The following LDLRAD4 variants were observed in gnomAD, a reference collection of about 807,000 sequenced individuals.
LDLRAD4 encodes the protein low-density lipoprotein receptor class A domain-containing protein 4.
LDLRAD4 carries 5 observed loss-of-function variants against 17.0 expected under a neutral mutation model. The observed-to-expected ratio is 0.29, with a 90% CI of 0.15 to 0.62. The LOEUF (loss-of-function observed/expected upper bound fraction) is 0.62, where lower values mean the gene tolerates loss of function less well. LDLRAD4 is among the 20% of genes least tolerant of loss of function. The pLI is 0.84. For missense variants in LDLRAD4, 340 were observed against 424.7 expected (o/e 0.80, Z 1.75); for synonymous variants, 168 against 171.8 (o/e 0.98, Z 0.17).
At chr18:13,497,281 A>G (rs1419312926) in intron 3 of LDLRAD4, among the ~76,000 whole-genome samples, 2 of 152,134 alleles carry the variant, frequency 1.3e-5, no homozygotes, top group African/African-American at 4.8e-5. Flanking sequence ...GGCTCAAGCA[A>G]TCCTCCTGCC....
At chr18:13,602,523 G>T (rs1252081244) in intron 3 of LDLRAD4, among the ~76,000 whole-genome samples, 2 of 138,302 alleles carry the variant, frequency 1.4e-5, no homozygotes, top group Non-Finnish European at 3.1e-5. Flanking sequence ...TTTTGAGATG[G>T]AGTCTCACTC....
intron 2 of LDLRAD4, chr18:13,427,521 C>G (rs137969018): frequency 9.2e-5 from 14 of 152,564 alleles, no homozygotes; most frequent in Non-Finnish European, 1.6e-4. Context: ...CTCAGGGTGC[C>G]GGAGGCTGGA....
At chr18:13,624,530 G>A (rs1469314517) in intron 4 of LDLRAD4, among the ~76,000 whole-genome samples, 1 of 152,238 alleles carries the variant, frequency 6.6e-6, no homozygotes, top group East Asian at 1.9e-4. Context: ...TCCTAGGGGA[G>A]GCTAGGGGTC....
At chr18:13,417,742 G>C (rs1334898718) in intron 2 of LDLRAD4, among the ~76,000 whole-genome samples, 3 of 152,256 alleles carry the variant, frequency 2.0e-5, no homozygotes, top group Admixed American at 1.3e-4. Context: ...CCAGTTTGCT[G>C]TTTTTCAAAC....
At chr18:13,587,238 C>G (rs1259257538) in intron 3 of LDLRAD4, among the ~76,000 whole-genome samples, 2 of 152,190 alleles carry the variant, frequency 1.3e-5, no homozygotes, top group Non-Finnish European at 2.9e-5. Context: ...CCAGGTGATG[C>G]TGATGCTGCT....
In LDLRAD4 at chr18:13,438,392, T is replaced by C; in HGVS notation, c.181+8T>C. 6.2e-7 allele frequency: 1 copy of C among 1,613,104 alleles called. No individual in the cohort carries two copies. On this transcript the variant is annotated splice_region_variant and intron_variant, in intron 3 of 5. Coordinates refer to ENST00000359446, the Ensembl canonical transcript of LDLRAD4. Reference sequence around the variant, plus strand: ...CTCCGGGCATCTTCAACTGTAAGTCTCTCCTCCCACCTGGGTGGCACTGTC... The same window carrying C: ...CTCCGGGCATCTTCAACTGTAAGTCCCTCCTCCCACCTGGGTGGCACTGTC...
chr18:13,264,639 T>C (rs1244552041), intron 1 of LDLRAD4, among the ~76,000 whole-genome samples: 1 of 152,272 alleles, frequency 6.6e-6, no homozygotes, highest in Admixed American at 6.5e-5. Flanking sequence ...GCCATGCAGG[T>C]TGAAGACGGT....
chr18:13,412,025 G>A (rs2088414806), intron 2 of LDLRAD4, among the ~76,000 whole-genome samples: 2 of 152,032 alleles, frequency 1.3e-5, no homozygotes, highest in East Asian at 3.9e-4. Flanking sequence ...AAATTGTTTG[G>A]TAGAGATAGG....
intron 1 of LDLRAD4, among the ~76,000 whole-genome samples, chr18:13,262,675 C>T (rs78397972): frequency 4.2e-5 from 3 of 71,164 alleles, no homozygotes; most frequent in Admixed American, 2.8e-4. Context: ...CGGCCCTGTG[C>T]GTGGAAACTG....
intron 3 of LDLRAD4, chr18:13,543,052 A>G (rs1451579435): frequency 1.3e-5 from 2 of 152,190 alleles, no homozygotes; most frequent in South Asian, 2.1e-4. Context: ...CAGAGGACGC[A>G]TGCATGGCTC....
chr18:13,559,028 C>T (rs903851659), intron 3 of LDLRAD4, among the ~76,000 whole-genome samples: 3 of 152,192 alleles, frequency 2.0e-5, no homozygotes, highest in African/African-American at 7.2e-5. Flanking sequence ...GTGCCACCGG[C>T]AGCACCCCAG....
Position 13,270,714 on chromosome 18 carries a change from G to A in LDLRAD4, c.-466-7391G>A, listed in dbSNP as rs191610107. On this transcript the variant is annotated intron_variant, in intron 1 of 5. Coordinates refer to the LDLRAD4 transcript ENST00000399848. ...GTGCTGCGAGGGATCCTTCCTCAGG[G>A]CGTCGGCAGGTTCCACTGGGAGGCT... Among the ~76,000 whole-genome samples the A allele has an allele frequency of 1.9e-4, 29 of 152,326 alleles. No individual in the cohort carries two copies. In the East Asian group the frequency reaches 4.8e-3, roughly 25 times the overall value.
intron 3 of LDLRAD4, among the ~76,000 whole-genome samples, chr18:13,508,953 G>T (rs1350488786): frequency 6.6e-6 from 1 of 152,170 alleles, no homozygotes; most frequent in Non-Finnish European, 1.5e-5. Context: ...CTTCTGAAAA[G>T]GATTCCTCAT....
intron 3 of LDLRAD4, among the ~76,000 whole-genome samples, chr18:13,483,782 GGT>G (rs1444014693): frequency 6.6e-6 from 1 of 152,194 alleles, no homozygotes; most frequent in East Asian, 1.9e-4. Flanking sequence ...CAGACAGGAA[GGT>G]GTTGTGGGCA....
At chr18:13,399,277 A>G (rs2086961737) in intron 2 of LDLRAD4, among the ~76,000 whole-genome samples, 1 of 152,186 alleles carries the variant, frequency 6.6e-6, no homozygotes, top group Non-Finnish European at 1.5e-5. Context: ...GTGTTTATAC[A>G]CATGTGCATG....
intron 3 of LDLRAD4, among the ~76,000 whole-genome samples, chr18:13,547,788 A>G (rs1038678175): frequency 1.3e-5 from 2 of 152,160 alleles, no homozygotes; most frequent in Non-Finnish European, 2.9e-5. Context: ...TGGCTCAGGG[A>G]GCTCCTCCTA....
At chr18:13,624,568 G>A (rs953833270) in intron 4 of LDLRAD4, among the ~76,000 whole-genome samples, 8 of 152,326 alleles carry the variant, frequency 5.3e-5, no homozygotes, top group African/African-American at 1.7e-4. Flanking sequence ...CTTTGGGATG[G>A]GGGAGTGTCA....
chr18:13,557,536 G>A (rs1355063640), intron 3 of LDLRAD4, among the ~76,000 whole-genome samples: 1 of 152,174 alleles, frequency 6.6e-6, no homozygotes, highest in Non-Finnish European at 1.5e-5. Context: ...AAGTAGCTGG[G>A]ACTACAGGCA....
intron 1 of LDLRAD4, among the ~76,000 whole-genome samples, chr18:13,318,727 AGTGTCTGTCTG>A (rs934024924): frequency 2.6e-5 from 4 of 152,168 alleles, no homozygotes; most frequent in African/African-American, 7.2e-5. Flanking sequence ...GGCCTCTGCC[AGTGTCTGTCTG>A]GTGTCTGTCT....
Sources: allele counts gnomAD v4.1 joint callset (sites outside exome capture counted in the v4.1 genomes callset), GRCh38; gene constraint gnomAD v4.1.1; transcripts MANE v1.5; gene names NCBI Gene and HGNC (gene_info 2026-07-23, HGNC 2026-07-21).